Variants in BFSP2 observed in about 807,000 individuals in gnomAD.
BFSP2 encodes the protein phakinin.
BFSP2 carries 38 observed loss-of-function variants against 44.9 expected under a neutral mutation model. The ratio of observed to expected loss-of-function variants is 0.85; its 90% CI spans 0.65 to 1.11. The LOEUF (loss-of-function observed/expected upper bound fraction) is 1.11. BFSP2 is among the 50% of genes least tolerant of loss of function. The probability of loss-of-function intolerance (pLI) is 0.00; values close to 1 mark genes in which losing one functional copy is unlikely to be tolerated. For synonymous variants in BFSP2, 197 were observed against 209.9 expected (o/e 0.94, Z 0.53); for missense variants, 525 against 533.0 (o/e 0.99, Z 0.15).
At chr3:133,425,926 C>A (rs2073645740) in intron 1 of BFSP2, among the ~76,000 whole-genome samples, 1 of 15,900 alleles carries the variant, frequency 6.3e-5, no homozygotes, top group Non-Finnish European at 1.2e-4. Context: ...CAAGGGAAGG[C>A]TAGGGAAGGC....
intron 3 of BFSP2, 88 bp from the exon 4 acceptor site, chr3:133,450,215 G>A: frequency 6.9e-7 from 1 of 1,452,078 alleles, no homozygotes; most frequent in Non-Finnish European, 9.6e-7. Flanking sequence ...GAAAAGAATT[G>A]CCCACAGAGC....
chr3:133,461,412 A>C (rs2074062884), intron 4 of BFSP2, among the ~76,000 whole-genome samples: 1 of 152,204 alleles, frequency 6.6e-6, no homozygotes, highest in Non-Finnish European at 1.5e-5. Context: ...GAGTGCAAAC[A>C]CGGGCGGCTC....
intron 4 of BFSP2, among the ~76,000 whole-genome samples, chr3:133,451,359 T>C (rs2073963467): frequency 6.6e-6 from 1 of 152,188 alleles, no homozygotes; most frequent in East Asian, 1.9e-4. Flanking sequence ...CAGAATGGTA[T>C]ATGCCAGAAG....
intron 1 of BFSP2, among the ~76,000 whole-genome samples, chr3:133,422,051 G>A (rs1288422437): frequency 7.4e-6 from 1 of 135,528 alleles, no homozygotes; most frequent in Admixed American, 8.2e-5. Flanking sequence ...AGGTTGCAGT[G>A]AGCCAAGATA....
intron 1 of BFSP2, among the ~76,000 whole-genome samples, chr3:133,443,052 G>T (rs1263328896): frequency 6.6e-6 from 1 of 151,980 alleles, no homozygotes; most frequent in Non-Finnish European, 1.5e-5. Flanking sequence ...AGAGGCAGGG[G>T]TTTCACTATG....
At chr3:133,431,680 A>G (rs114384372) in intron 1 of BFSP2, among the ~76,000 whole-genome samples, 2,390 of 152,114 alleles carry the variant, frequency 0.016, 42 homozygotes, top group East Asian at 0.067. Flanking sequence ...GGGTAAGTCC[A>G]TCCCCTTCTT....
chr3:133,417,115 C>A (rs1343243570), intron 1 of BFSP2, among the ~76,000 whole-genome samples: 5 of 142,770 alleles, frequency 3.5e-5, no homozygotes. Context: ...TCACCCCTGC[C>A]TTCTCCCCTC....
chr3:133,462,062 A>G (rs1279538933), intron 4 of BFSP2, among the ~76,000 whole-genome samples: 1 of 35,622 alleles, frequency 2.8e-5, no homozygotes, highest in African/African-American at 7.3e-5. Flanking sequence ...TCCATGGACC[A>G]GGCAGGCATG....
At chr3:133,417,462 C>A (rs1160898244) in intron 1 of BFSP2, among the ~76,000 whole-genome samples, 2 of 123,498 alleles carry the variant, frequency 1.6e-5, no homozygotes, top group South Asian at 3.2e-4. Flanking sequence ...TCTCTACTCA[C>A]CCCTACCCTC....
At chr3:133,425,044 C>A (rs981603473) in intron 1 of BFSP2, among the ~76,000 whole-genome samples, 2 of 152,178 alleles carry the variant, frequency 1.3e-5, no homozygotes, top group Non-Finnish European at 2.9e-5. Context: ...ACTACTGTCA[C>A]GTGTAAATAC....
intron 1 of BFSP2, among the ~76,000 whole-genome samples, chr3:133,421,332 A>T (rs1576566722): frequency 6.6e-6 from 1 of 152,230 alleles, no homozygotes; most frequent in Admixed American, 6.5e-5. Flanking sequence ...TAGAGGCTGG[A>T]AACCAAGATG....
At chr3:133,454,396 T>A (rs114452620) in intron 4 of BFSP2, among the ~76,000 whole-genome samples, 1 of 152,134 alleles carries the variant, frequency 6.6e-6, no homozygotes, top group Admixed American at 6.5e-5. Context: ...AATATGTAGG[T>A]TTGTTCCACA....
chr3:133,451,405 A>G (rs2073964706), intron 4 of BFSP2, among the ~76,000 whole-genome samples: 2 of 152,224 alleles, frequency 1.3e-5, no homozygotes, highest in Admixed American at 1.3e-4. Context: ...CAAACAGTAA[A>G]TATTTCAGGC....
chr3:133,436,325 CAAAAAAAA>C (rs57060416), intron 1 of BFSP2, among the ~76,000 whole-genome samples: 2 of 78,110 alleles, frequency 2.6e-5, no homozygotes, highest in African/African-American at 9.0e-5. Context: ...GACTCTGTCT[CAAAAAAAA>C]AAAAAAAAAA....
chr3:133,418,396 T>A (rs1478859035), intron 1 of BFSP2, among the ~76,000 whole-genome samples: 1 of 152,132 alleles, frequency 6.6e-6, no homozygotes, highest in African/African-American at 2.4e-5. Flanking sequence ...GATGAAACCA[T>A]TGCTCTCACA....
chr3:133,467,739 C>T (rs1198120242), intron 5 of BFSP2, among the ~76,000 whole-genome samples: 3 of 152,136 alleles, frequency 2.0e-5, no homozygotes, highest in Admixed American at 2.0e-4. Flanking sequence ...ATGTCCCCTC[C>T]AGGAGGTCAT....
intron 1 of BFSP2, among the ~76,000 whole-genome samples, chr3:133,424,138 G>A (rs886108834): frequency 2.0e-5 from 3 of 150,582 alleles, no homozygotes; most frequent in South Asian, 2.1e-4. Context: ...TGCAACCTCC[G>A]CCGCCCGGGT....
At position 133,448,748 on chromosome 3, in the gene BFSP2, C is replaced by T. The variant is rs2073928195; in HGVS notation, c.729+103C>T. 4 of 1,446,202 alleles carry T rather than the reference C, an allele frequency of 2.8e-6. No individual in the cohort carries two copies. The East Asian group carries it at 7.0e-5, about 25-fold the overall frequency. The allele number at this position is 1,446,202 out of a possible 1,614,324, so 89.6% of individuals were successfully genotyped here. Reference sequence around the variant, plus strand: ...CCACAGTAGCTCATTTCTGACTCTCCACATTGCGTGCCCAGGACTGCAGGG... The same window carrying T: ...CCACAGTAGCTCATTTCTGACTCTCTACATTGCGTGCCCAGGACTGCAGGG... On this transcript the variant is annotated intron_variant, in intron 3 of 6. Coordinates refer to ENST00000302334, the MANE Select transcript of BFSP2 (RefSeq NM_003571.4).
intron 1 of BFSP2, among the ~76,000 whole-genome samples, chr3:133,425,300 C>T (rs2073633131): frequency 6.6e-6 from 1 of 152,228 alleles, no homozygotes; most frequent in South Asian, 2.1e-4. Flanking sequence ...AACAAATCCA[C>T]ACACTGGTCC....
Sources: allele counts gnomAD v4.1 joint callset (sites outside exome capture counted in the v4.1 genomes callset), GRCh38; gene constraint gnomAD v4.1.1; transcripts MANE v1.5; gene names NCBI Gene and HGNC (gene_info 2026-07-23, HGNC 2026-07-21).